FGF14: variants seen among roughly 807,000 people sequenced by gnomAD.
FGF14 encodes fibroblast growth factor homologous factor 4.
FGF14 carries 5 observed loss-of-function variants against 25.5 expected under a neutral mutation model. The ratio of observed to expected loss-of-function variants is 0.20; its 90% CI spans 0.10 to 0.41. The LOEUF is 0.41. Among genes scored for constraint, FGF14 ranks in the 10% least tolerant of loss-of-function variants. FGF14 has a pLI of 1.00. For synonymous variants in FGF14, 138 were observed against 118.3 expected (o/e 1.17, Z -1.08); for missense variants, 222 against 320.1 (o/e 0.69, Z 2.34).
intron 1 of FGF14, among the ~76,000 whole-genome samples, chr13:102,398,992 T>A (rs1295353261): frequency 2.0e-5 from 3 of 151,798 alleles, no homozygotes; most frequent in Non-Finnish European, 4.4e-5. Flanking sequence ...GTTGGTAATG[T>A]TCTTAGATAC....
chr13:102,326,934 G>A (rs115954385), intron 1 of FGF14, among the ~76,000 whole-genome samples: 3 of 152,040 alleles, frequency 2.0e-5, no homozygotes, highest in African/African-American at 4.8e-5. Context: ...TATTCCCCAC[G>A]GAAACTGAAC....
rs1371021868 is a variant in FGF14 at position 101,840,576 on chromosome 13, G to A, written c.408+28149C>T. On this transcript the variant is annotated intron_variant, in intron 3 of 4. Coordinates refer to ENST00000376143, the MANE Select transcript of FGF14 (RefSeq NM_004115.4). ...ATTGATAGTTAAAAGGTATTCAGAA[G>A]AATGGTATTGAAATAATACTGTAAG... Among the ~76,000 whole-genome samples the A allele has an allele frequency of 3.3e-5, 5 of 151,990 alleles. No individual in the cohort carries two copies. In the East Asian group the frequency reaches 9.7e-4, roughly 29 times the overall value.
At chr13:102,040,081 A>T (rs1401461543) in intron 1 of FGF14, among the ~76,000 whole-genome samples, 1 of 152,164 alleles carries the variant, frequency 6.6e-6, no homozygotes, top group African/African-American at 2.4e-5. Context: ...TTGTTTCAAT[A>T]AACAGCAACA....
In FGF14 at chr13:101,718,614, A is replaced by G. The variant is rs1342100046; in HGVS notation, c.*4217T>C. The stretch of plus-strand genomic sequence containing the variant: ...CCCAGAGACTTTTTCAAAAAAGTCA[A>G]CTAAAGTGCTAAGTCATAAGAGGAG... On this transcript the variant is annotated 3_prime_UTR_variant, in exon 5 of 5. Coordinates refer to ENST00000376143, the MANE Select transcript of FGF14 (RefSeq NM_004115.4). 6.6e-6 allele frequency: 1 copy of G among 152,092 alleles called. No homozygotes were observed. Among genetic ancestry groups the G allele is most frequent in the Non-Finnish European group, 1.5e-5 (1 of 68,020 alleles). The allele number at this position is 152,092 out of a possible 1,614,324, so 9.4% of individuals were successfully genotyped here.
chr13:101,920,652 T>C (rs2033931611), upstream of FGF14, among the ~76,000 whole-genome samples: 1 of 152,198 alleles, frequency 6.6e-6, no homozygotes, highest in South Asian at 2.1e-4. Context: ...TCAAAATATA[T>C]GTATTCCCTA....
At chr13:102,025,678 C>T (rs1423670150) in intron 1 of FGF14, among the ~76,000 whole-genome samples, 1 of 151,926 alleles carries the variant, frequency 6.6e-6, no homozygotes, top group Non-Finnish European at 1.5e-5. Flanking sequence ...CAAAGTGCTG[C>T]GATTACAGGA....
At chr13:102,306,728 T>C (rs1328544711) in intron 1 of FGF14, among the ~76,000 whole-genome samples, 1 of 152,192 alleles carries the variant, frequency 6.6e-6, no homozygotes, top group African/African-American at 2.4e-5. Flanking sequence ...TCTCAAAGTG[T>C]TCAGGCCTTT....
chr13:102,012,568 G>A (rs1332150175), intron 1 of FGF14, among the ~76,000 whole-genome samples: 1 of 152,194 alleles, frequency 6.6e-6, no homozygotes. Context: ...GACAGGCAAT[G>A]CCAAAAATTA....
chr13:102,318,104 T>G (rs1412125285), intron 1 of FGF14, among the ~76,000 whole-genome samples: 2 of 152,190 alleles, frequency 1.3e-5, no homozygotes, highest in African/African-American at 4.8e-5. Flanking sequence ...TGGAGGGAGT[T>G]GGAGGCCCCA....
At chr13:102,161,643 G>GAAGAAGAAGA (rs2047726609) in intron 1 of FGF14, among the ~76,000 whole-genome samples, 2 of 12,640 alleles carry the variant, frequency 1.6e-4, no homozygotes, top group Non-Finnish European at 3.2e-4. Flanking sequence ...AGAAGAAGAA[G>GAAGAAGAAGA]AAGAAGAAGA....
chr13:102,237,319 G>A (rs536959496), intron 1 of FGF14, among the ~76,000 whole-genome samples: 97 of 152,298 alleles, frequency 6.4e-4, no homozygotes, highest in African/African-American at 2.2e-3. Flanking sequence ...CCGAGCAGCA[G>A]GAGGCCCTCT....
chr13:101,775,495 T>C (rs893465676), intron 3 of FGF14, among the ~76,000 whole-genome samples: 5 of 150,032 alleles, frequency 3.3e-5, no homozygotes, highest in Non-Finnish European at 4.5e-5. Flanking sequence ...AAACACACTC[T>C]TGTGAAGAGC....
chr13:102,096,015 A>ATATG (rs1353439462), intron 1 of FGF14, among the ~76,000 whole-genome samples: 105 of 149,816 alleles, frequency 7.0e-4, no homozygotes, highest in Non-Finnish European at 1.3e-3. Context: ...ATATATATAT[A>ATATG]TAATATATTT....
chr13:102,135,311 TCA>T, intron 1 of FGF14, among the ~76,000 whole-genome samples: 1 of 152,224 alleles, frequency 6.6e-6, no homozygotes, highest in Admixed American at 6.5e-5. Context: ...TGTCTCCTCT[TCA>T]AAGCCCTCCA....
intron 1 of FGF14, among the ~76,000 whole-genome samples, chr13:102,101,670 AC>A (rs2044668721): frequency 6.6e-6 from 1 of 152,148 alleles, no homozygotes. Context: ...TCTTAGGAGT[AC>A]TAATGAATGC....
intron 1 of FGF14, among the ~76,000 whole-genome samples, chr13:102,084,840 G>A (rs2140214486): frequency 6.6e-6 from 1 of 152,298 alleles, no homozygotes; most frequent in East Asian, 1.9e-4. Context: ...GCTTTGTTAA[G>A]TGAAATAATT....
intron 1 of FGF14, among the ~76,000 whole-genome samples, chr13:102,382,452 C>T (rs2058206084): frequency 1.3e-5 from 2 of 152,038 alleles, no homozygotes; most frequent in South Asian, 4.1e-4. Context: ...AAAATTACTA[C>T]TATCAAAAAA....
At chr13:101,749,873 C>T (rs1013861363) in intron 3 of FGF14, among the ~76,000 whole-genome samples, 3 of 151,892 alleles carry the variant, frequency 2.0e-5, no homozygotes, top group African/African-American at 4.8e-5. Context: ...TGTTTGTGTC[C>T]CTCCCCAAAA....
Position 101,972,653 on chromosome 13 carries a change from T to C in FGF14, c.209-97357A>G, listed in dbSNP as rs1020213609. On this transcript the variant is annotated intron_variant, in intron 1 of 4. Transcript: ENST00000376131. ...AATCTTATTGATAAATTCTTTCTTT[T>C]AAAGTTGTATTTTGTCTTTTTTTTT... Among the ~76,000 whole-genome samples, 3 of 144,554 alleles carry C rather than the reference T, an allele frequency of 2.1e-5. No homozygotes were observed. The Admixed American group carries it at 2.2e-4, about 11-fold the overall frequency. 94.8% of individuals were successfully genotyped at this position (144,554 alleles called of 152,430 possible).
Sources: gnomAD v4.1 joint callset for allele counts (sites outside exome capture counted in the v4.1 genomes callset) on GRCh38, gnomAD v4.1.1 for gene constraint, MANE v1.5 for transcripts, NCBI Gene and HGNC (gene_info 2026-07-23, HGNC 2026-07-21) for gene names.